Variants in CEP57L1 observed in about 807,000 individuals in gnomAD.
CEP57L1 encodes centrosomal protein CEP57L1.
CEP57L1 carries 37 observed loss-of-function variants against 61.0 expected under a neutral mutation model. The ratio of observed to expected loss-of-function variants is 0.61; its 90% CI spans 0.47 to 0.80. The LOEUF is 0.80. CEP57L1 is among the 30% of genes least tolerant of loss of function. CEP57L1 has a pLI of 0.00. For synonymous variants in CEP57L1, 137 were observed against 162.3 expected (o/e 0.84, Z 1.19); for missense variants, 422 against 524.7 (o/e 0.80, Z 1.91).
upstream of CEP57L1, chr6:109,095,166 C>G (rs75772189): frequency 0.11 from 104,410 of 985,466 alleles, 5,745 homozygotes; most frequent in Middle Eastern, 0.19. Context: ...CTGGGCCAAG[C>G]GCCCCCGGAG....
chr6:109,127,035 G>T (rs141816344), intron 1 of CEP57L1, among the ~76,000 whole-genome samples: 5 of 151,996 alleles, frequency 3.3e-5, no homozygotes, highest in Admixed American at 3.3e-4. Context: ...GCACGGTGGC[G>T]CACGCCTGTA....
intron 1 of CEP57L1, among the ~76,000 whole-genome samples, chr6:109,133,054 T>C (rs566547237): frequency 3.8e-4 from 58 of 152,350 alleles, no homozygotes; most frequent in Admixed American, 1.7e-3. Flanking sequence ...AGAATTATCT[T>C]TGAATTGTTC....
At chr6:109,152,627 ATGTGCGTGCGTGTG>A (rs991866091) in intron 4 of CEP57L1, among the ~76,000 whole-genome samples, 33 of 133,368 alleles carry the variant, frequency 2.5e-4, no homozygotes, top group African/African-American at 8.6e-4. Flanking sequence ...TAGCATATAG[ATGTGCGTGCGTGTG>A]TGTGTGTGTG....
At chr6:109,097,764 G>T (rs1477116935) in intron 1 of CEP57L1, among the ~76,000 whole-genome samples, 1 of 152,196 alleles carries the variant, frequency 6.6e-6, no homozygotes, top group African/African-American at 2.4e-5. Context: ...GAGGGGCAAG[G>T]TTCACTTTTA....
At chr6:109,100,145 A>G (rs1477935959) in intron 1 of CEP57L1, 1 of 152,204 alleles carries the variant, frequency 6.6e-6, no homozygotes, top group African/African-American at 2.4e-5. Context: ...AAGAGGAACT[A>G]CTGTGCTTGT....
chr6:109,164,637 T>C lies in CEP57L1; in HGVS notation c.*1667T>C, dbSNP rs904242986. Among the ~76,000 whole-genome samples the C allele has an allele frequency of 7.2e-5, 11 of 152,192 alleles. No homozygotes were observed. The highest frequency in any genetic ancestry group is 1.6e-4 in the Non-Finnish European group (11 of 68,034). On this transcript the variant is annotated 3_prime_UTR_variant, in exon 11 of 11. Coordinates refer to ENST00000517392, the MANE Select transcript of CEP57L1 (RefSeq NM_001271852.3). The stretch of plus-strand genomic sequence containing the variant: ...GCTTAAGCTTAGCTTTTTGCTAAAC[T>C]TTTTAGCTTTCTGCTATCCACCAGG...
intron 1 of CEP57L1, chr6:109,129,454 G>T (rs1338838525): frequency 1.7e-6 from 1 of 586,278 alleles, no homozygotes; most frequent in Admixed American, 2.3e-5. Flanking sequence ...TTCTTCCTCA[G>T]AAAGAAACAA....
intron 1 of CEP57L1, among the ~76,000 whole-genome samples, chr6:109,118,485 G>T (rs1199838024): frequency 6.6e-6 from 1 of 152,194 alleles, no homozygotes; most frequent in East Asian, 1.9e-4. Flanking sequence ...AAAAAAGTAA[G>T]GGGCTTAATG....
Position 109,163,107 on chromosome 6 carries a change from T to C in CEP57L1, c.*137T>C. 1 of 619,598 alleles carries C rather than the reference T, an allele frequency of 1.6e-6. No homozygotes were observed. Among genetic ancestry groups the C allele is most frequent in the South Asian group, 2.2e-5 (1 of 45,256 alleles). The allele number at this position is 619,598 out of a possible 1,614,324, so 38.4% of individuals were successfully genotyped here. A position where few individuals can be genotyped will look rare whatever the true frequency, so the allele number is the denominator to read the frequency against. ...CTATAAAACATGAAGTTGCAGTATTTAAAAATTAATGCCTAATGACCTGGT... is the reference window on the plus strand; with the variant it reads ...CTATAAAACATGAAGTTGCAGTATTCAAAAATTAATGCCTAATGACCTGGT... On this transcript the variant is annotated 3_prime_UTR_variant, in exon 11 of 11. Coordinates refer to ENST00000517392, the MANE Select transcript of CEP57L1 (RefSeq NM_001271852.3).
At chr6:109,122,972 G>C (rs1773149066) in intron 1 of CEP57L1, among the ~76,000 whole-genome samples, 1 of 151,956 alleles carries the variant, frequency 6.6e-6, no homozygotes, top group Non-Finnish European at 1.5e-5. Context: ...ATTTATATAA[G>C]AATCAGTTGG....
At chr6:109,121,992 C>T (rs73762647) in intron 1 of CEP57L1, among the ~76,000 whole-genome samples, 40 of 152,152 alleles carry the variant, frequency 2.6e-4, no homozygotes, top group African/African-American at 8.7e-4. Context: ...ATTTCAGTGG[C>T]TTTAAGATGC....
At chr6:109,121,391 G>C (rs1772956803) in intron 1 of CEP57L1, among the ~76,000 whole-genome samples, 1 of 152,158 alleles carries the variant, frequency 6.6e-6, no homozygotes, top group African/African-American at 2.4e-5. Context: ...TTTGAATTAA[G>C]AAAAGACTGC....
Position 109,120,135 on chromosome 6 carries a change from A to G in CEP57L1, c.-4+24560A>G, listed in dbSNP as rs1772783134. Among the ~76,000 whole-genome samples, 4 of 152,296 alleles carry G rather than the reference A, an allele frequency of 2.6e-5. No individual in the cohort carries two copies. The South Asian group carries it at 8.3e-4, about 32-fold the overall frequency. The stretch of plus-strand genomic sequence containing the variant: ...GGTAGTCATATTATTCCCATTTTAT[A>G]GATAGGAGGAACGTTTAAGAAACCT... On this transcript the variant is annotated intron_variant, in intron 1 of 10. Transcript: ENST00000517392.
At chr6:109,097,001 A>T (rs186638142) in intron 1 of CEP57L1, among the ~76,000 whole-genome samples, 1 of 152,318 alleles carries the variant, frequency 6.6e-6, no homozygotes, top group Non-Finnish European at 1.5e-5. Context: ...GATATCTCAA[A>T]AGCATCTCAA....
At chr6:109,143,586 A>C (rs1771650226) in intron 1 of CEP57L1, among the ~76,000 whole-genome samples, 2 of 152,092 alleles carry the variant, frequency 1.3e-5, no homozygotes, top group Admixed American at 6.6e-5. Flanking sequence ...TACACATTTA[A>C]TTTAAATAAA....
chr6:109,129,119 G>A (rs1773902661), intron 1 of CEP57L1, among the ~76,000 whole-genome samples: 1 of 152,158 alleles, frequency 6.6e-6, no homozygotes, highest in Non-Finnish European at 1.5e-5. Flanking sequence ...AGAATCGCTT[G>A]AACCTGGGAG....
chr6:109,101,132 T>G (rs1322428376), intron 1 of CEP57L1, among the ~76,000 whole-genome samples: 1 of 152,078 alleles, frequency 6.6e-6, no homozygotes, highest in Non-Finnish European at 1.5e-5. Flanking sequence ...CAAAACAGTC[T>G]GCCTTTTTTG....
At chr6:109,104,238 T>A (rs1770655727) in intron 1 of CEP57L1, among the ~76,000 whole-genome samples, 1 of 151,894 alleles carries the variant, frequency 6.6e-6, no homozygotes, top group African/African-American at 2.4e-5. Flanking sequence ...TTTCAAATTT[T>A]AGCTGGTGTA....
At chr6:109,101,392 G>A (rs1782378622) in intron 1 of CEP57L1, among the ~76,000 whole-genome samples, 1 of 152,044 alleles carries the variant, frequency 6.6e-6, no homozygotes, top group East Asian at 1.9e-4. Context: ...TTTTATCACT[G>A]AAAAATAATC....
Sources: gnomAD v4.1 joint callset for allele counts (sites outside exome capture counted in the v4.1 genomes callset) on GRCh38, gnomAD v4.1.1 for gene constraint, MANE v1.5 for transcripts, NCBI Gene and HGNC (gene_info 2026-07-23, HGNC 2026-07-21) for gene names.